The following TOR1AIP1 variants were observed in gnomAD, a reference collection of about 807,000 sequenced individuals.
TOR1AIP1 encodes the protein torsin 1A interacting protein 1.
Under a neutral mutation model 63.3 loss-of-function variants are expected in TOR1AIP1, and 54 were observed. The observed-to-expected ratio is 0.85, with a 90% confidence interval of 0.69 to 1.07. TOR1AIP1 has a LOEUF of 1.07. TOR1AIP1 is among the 50% of genes least tolerant of loss of function. TOR1AIP1 has a pLI of 0.00. For missense variants in TOR1AIP1, 736 were observed against 715.0 expected, an observed-to-expected ratio of 1.03 and a Z score of -0.33; for synonymous variants, 294 against 273.5, an observed-to-expected ratio of 1.07 and a Z score of -0.74.
At chr1:179,913,746 A>C in intron 8 of TOR1AIP1, 1 of 686,142 alleles carries the variant, frequency 1.5e-6, no homozygotes, top group Non-Finnish European at 2.7e-6. Context: ...ACTTTCTCTC[A>C]AAACTAATTA....
intron 3 of TOR1AIP1, among the ~76,000 whole-genome samples, chr1:179,896,545 C>G (rs1648275089): frequency 6.9e-6 from 1 of 144,080 alleles, no homozygotes; most frequent in Non-Finnish European, 1.5e-5. Flanking sequence ...GTTTACAAAT[C>G]TTTTTTTTTT....
At chr1:179,887,297 G>T (rs542227280) in intron 2 of TOR1AIP1, among the ~76,000 whole-genome samples, 1 of 152,170 alleles carries the variant, frequency 6.6e-6, no homozygotes, top group Non-Finnish European at 1.5e-5. Context: ...TACTCGGGAG[G>T]CTGAGGCAGG....
intron 8 of TOR1AIP1, 129 bp from the exon 9 acceptor site, chr1:179,913,869 T>C (rs931619171): frequency 1.4e-5 from 12 of 828,808 alleles, no homozygotes; most frequent in African/African-American, 5.2e-5. Context: ...CTACTTTTTC[T>C]TCTGCTTCTG....
rs907954724 is a variant in TOR1AIP1, at chr1:179,894,112, G to A, written c.610+4743G>A. Among the ~76,000 whole-genome samples the A allele has an allele frequency of 1.2e-4, 18 of 151,668 alleles. 1 individual carries two copies. Among genetic ancestry groups the A allele is most frequent in the Admixed American group, 5.9e-4 (9 of 15,208 alleles). ...TAAAAATACAAAAAAGTAGCTGGGC[G>A]CAGTGGCGGGCACCTGTAGTCCCAG... On this transcript the variant is annotated intron_variant, in intron 3 of 9. Transcript: ENST00000606911.
intron 8 of TOR1AIP1, among the ~76,000 whole-genome samples, chr1:179,912,747 C>G (rs760364182): frequency 2.0e-5 from 3 of 152,158 alleles, no homozygotes; most frequent in East Asian, 1.9e-4. Context: ...ATTCCTCTTA[C>G]AGTTGCTGTC....
chr1:179,905,434 A>C (rs934936859), intron 6 of TOR1AIP1, among the ~76,000 whole-genome samples: 2 of 152,090 alleles, frequency 1.3e-5, no homozygotes, highest in African/African-American at 4.8e-5. Flanking sequence ...AAATCATTGT[A>C]TTTCTAGAAT....
At chr1:179,900,868 C>T (rs546693132) in intron 4 of TOR1AIP1, among the ~76,000 whole-genome samples, 2 of 152,192 alleles carry the variant, frequency 1.3e-5, no homozygotes, top group African/African-American at 4.8e-5. Context: ...AGGGTGGTCA[C>T]CTGCATAATA....
At chr1:179,909,897 G>A (rs1202611744) in intron 8 of TOR1AIP1, among the ~76,000 whole-genome samples, 1 of 152,134 alleles carries the variant, frequency 6.6e-6, no homozygotes, top group African/African-American at 2.4e-5. Flanking sequence ...TAAGTAGCTG[G>A]GACTTGCATG....
intron 8 of TOR1AIP1, among the ~76,000 whole-genome samples, chr1:179,909,755 GT>G (rs1159457208): frequency 4.6e-5 from 7 of 151,866 alleles, no homozygotes; most frequent in African/African-American, 1.7e-4. Context: ...TTTTGGGGGT[GT>G]TTTGTTTTGT....
At chr1:179,887,960 G>A (rs1247186130) in intron 2 of TOR1AIP1, 1 of 152,186 alleles carries the variant, frequency 6.6e-6, no homozygotes, top group Non-Finnish European at 1.5e-5. Context: ...CCAAAGAAGG[G>A]TACTTGATAT....
intron 8 of TOR1AIP1, chr1:179,913,575 CCT>C: frequency 1.4e-6 from 1 of 702,302 alleles, no homozygotes; most frequent in South Asian, 1.5e-5. Flanking sequence ...TTATTTTCCC[CCT>C]CTTTACAGCA....
Position 179,882,533 on chromosome 1 carries a change from G to A in TOR1AIP1, c.31G>A (p.Val11Met), listed in dbSNP as rs750120353. MAGDGRRAEA[V>M]REGWGVYVTP... ...GGGCGACGGGCGGCGGGCAGAGGCG[G>A]TGCGGGAAGGATGGGGTGTGTACGT... Residue 11 changes from valine to methionine, a missense_variant, in exon 1 of 10, where the codon GTG (valine) becomes ATG (methionine). Transcript: ENST00000606911. The A allele has an allele frequency of 6.8e-6, 10 of 1,471,990 alleles. No homozygotes were observed. Among genetic ancestry groups the A allele is most frequent in the Non-Finnish European group, 9.0e-6 (10 of 1,112,654 alleles). The allele number at this position is 1,471,990 out of a possible 1,614,324, so 91.2% of individuals were successfully genotyped here.
At chr1:179,908,503 A>G in intron 7 of TOR1AIP1, 102 bp from the exon 8 acceptor site, 2 of 907,570 alleles carry the variant, frequency 2.2e-6, no homozygotes, top group African/African-American at 3.4e-5. Context: ...TTCTTCCCCT[A>G]CTTTATTTTG....
At chr1:179,883,124 G>A in intron 1 of TOR1AIP1, 147 bp downstream of exon 1, 1 of 753,556 alleles carries the variant, frequency 1.3e-6, no homozygotes, top group Non-Finnish European at 2.1e-6. Flanking sequence ...GACTTGTGCC[G>A]CCGTGCAAGG....
Position 179,917,468 on chromosome 1 carries a change from C to G in TOR1AIP1, c.981C>G (p.Pro327=). Reference sequence around the variant, plus strand: ...TCTGAGTAGAAGTGACTGGACAACCCCAAAATGCATCTTTTGTCAAGAGGA... The same window carrying G: ...TCTGAGTAGAAGTGACTGGACAACCGCAAAATGCATCTTTTGTCAAGAGGA... ...STSSRQVTGQ[P]QNASFVKRNR... is the part of the protein sequence containing the mutation. Residue 327 remains proline (P), a synonymous_variant, in exon 10 of 10, where the codon CCC becomes CCG. Transcript: ENST00000606911. The G allele has an allele frequency of 6.2e-7, 1 of 1,612,194 alleles. No homozygotes were observed. Among genetic ancestry groups the G allele is most frequent in the Non-Finnish European group, 8.5e-7 (1 of 1,179,710 alleles).
At position 179,907,593 on chromosome 1, in the gene TOR1AIP1, TTA is replaced by T. The variant is rs55752745; in HGVS notation, c.797-206_797-205del. On this transcript the variant is annotated intron_variant, in intron 6 of 9. Transcript: ENST00000606911. ...AGGGGGAAAGAAATACACACACACT[TTA>T]TATATATATATATATATATATATGT... Among the ~76,000 whole-genome samples, 9,872 of 62,908 alleles carry T rather than the reference TTA, an allele frequency of 0.16. 446 individuals are homozygous for T. Among genetic ancestry groups the T allele is most frequent in the East Asian group, 0.2 (133 of 680 alleles). The allele number at this position is 62,908 out of a possible 152,430, so 41.3% of individuals were successfully genotyped here. A position where few individuals can be genotyped will look rare whatever the true frequency, so the allele number is the denominator to read the frequency against.
Position 179,918,299 on chromosome 1 carries a change from C to A in TOR1AIP1, c.*60C>A. ...CTGAGAATTGTTCACACTTTCTAAC[C>A]AGAGACAGAATTCAGAGCTCTTTTT... On this transcript the variant is annotated 3_prime_UTR_variant, in exon 10 of 10. Transcript: ENST00000606911. 1.4e-6 allele frequency: 2 copies of A among 1,477,662 alleles called. No individual in the cohort carries two copies. The highest frequency in any genetic ancestry group is 1.3e-5 in the South Asian group (1 of 74,840). 91.5% of individuals were successfully genotyped at this position (1,477,662 alleles called of 1,614,324 possible).
intron 8 of TOR1AIP1, among the ~76,000 whole-genome samples, chr1:179,911,186 T>C (rs1051533537): frequency 6.6e-6 from 1 of 152,224 alleles, no homozygotes; most frequent in African/African-American, 2.4e-5. Context: ...GATAGAACGA[T>C]GAGCAAGAAG....
rs1304704293 is a variant in TOR1AIP1 at position 179,918,629 on chromosome 1, T to C, written c.*390T>C. 2 of 170,758 alleles carry C rather than the reference T, an allele frequency of 1.2e-5. No homozygotes were observed. The highest frequency in any genetic ancestry group is 2.5e-5 in the Non-Finnish European group (2 of 79,464). 10.6% of individuals were successfully genotyped at this position (170,758 alleles called of 1,614,324 possible). ...TTTCCTGAGTTATTAGTAAGATTGCTCCCTAAATGTAACCAGGGATTTTCC... is the reference window on the plus strand; with the variant it reads ...TTTCCTGAGTTATTAGTAAGATTGCCCCCTAAATGTAACCAGGGATTTTCC... On this transcript the variant is annotated 3_prime_UTR_variant, in exon 10 of 10. Coordinates refer to ENST00000606911, the MANE Select transcript of TOR1AIP1 (RefSeq NM_015602.4).
Sources: gnomAD v4.1 joint callset for allele counts (sites outside exome capture counted in the v4.1 genomes callset) on GRCh38, gnomAD v4.1.1 for gene constraint, MANE v1.5 for transcripts, NCBI Gene and HGNC (gene_info 2026-07-23, HGNC 2026-07-21) for gene names.